The following KAT7 variants were observed in gnomAD, a reference collection of about 807,000 sequenced individuals.
KAT7 encodes histone acetyltransferase KAT7.
Under a neutral mutation model 82.1 loss-of-function variants are expected in KAT7, and 10 were observed. That is an observed-to-expected ratio of 0.12 (90% CI 0.08 to 0.21). KAT7 has a LOEUF of 0.21. Ranked by LOEUF, KAT7 falls within the 10% of genes least tolerant of loss-of-function variation. The pLI is 1.00. For synonymous variants in KAT7, 250 were observed against 262.5 expected, an observed-to-expected ratio of 0.95 and a Z score of 0.46; for missense variants, 378 against 760.9, an observed-to-expected ratio of 0.50 and a Z score of 5.92.
intron 3 of KAT7, 104 bp from the exon 4 acceptor site, chr17:49,798,215 G>C: frequency 9.2e-7 from 1 of 1,081,212 alleles, no homozygotes; most frequent in Non-Finnish European, 1.3e-6. Context: ...AAAGTTACTG[G>C]TTAAATCATA....
intron 11 of KAT7, 98 bp from the exon 12 acceptor site, chr17:49,823,104 G>C: frequency 1.4e-6 from 1 of 720,908 alleles, no homozygotes; most frequent in Non-Finnish European, 2.5e-6. Flanking sequence ...TGGTTAGCCA[G>C]ATGTTTTGCA....
chr17:49,789,081 T>C (rs920665527), intron 1 of KAT7: 14 of 401,254 alleles, frequency 3.5e-5, no homozygotes, highest in African/African-American at 2.9e-4. Context: ...GAGGCGTTCT[T>C]ATTAATTGGT....
intron 7 of KAT7, among the ~76,000 whole-genome samples, chr17:49,814,476 TC>T (rs1175554129): frequency 6.6e-6 from 1 of 152,192 alleles, no homozygotes; most frequent in Non-Finnish European, 1.5e-5. Context: ...ATTGTGACGT[TC>T]CTTTGATCTT....
intron 2 of KAT7, chr17:49,795,532 A>G (rs745925610): frequency 3.7e-5 from 9 of 242,488 alleles, no homozygotes; most frequent in Non-Finnish European, 7.1e-5. Flanking sequence ...CGATGGGAAA[A>G]AGAAGGTCAG....
intron 2 of KAT7, chr17:49,795,682 C>T (rs1484630444): frequency 8.5e-6 from 2 of 236,344 alleles, no homozygotes; most frequent in Admixed American, 8.2e-5. Flanking sequence ...GTAAAGGGCA[C>T]AAATTTCCTG....
rs2074405104 is a variant in KAT7 at position 49,829,503 on chromosome 17, C to CA, written c.*2002dup. ...ATTCCTTCTCATCTCCAAGCTCATT[C>CA]ACCAGTATTGAGCAGTGTCACCTCT... On this transcript the variant is annotated 3_prime_UTR_variant, in exon 15 of 15. Coordinates refer to ENST00000259021, the MANE Select transcript of KAT7 (RefSeq NM_007067.5). 1.3e-5 allele frequency: 2 copies of CA among 152,320 alleles called. No homozygotes were observed. The highest frequency in any genetic ancestry group is 4.1e-4 in the South Asian group (2 of 4,824). 9.4% of individuals were successfully genotyped at this position (152,320 alleles called of 1,614,324 possible). A position where few individuals can be genotyped will look rare whatever the true frequency, so the allele number is the denominator to read the frequency against.
At chr17:49,822,893 C>G (rs186967993) in intron 11 of KAT7, among the ~76,000 whole-genome samples, 1 of 152,108 alleles carries the variant, frequency 6.6e-6, no homozygotes, top group African/African-American at 2.4e-5. Context: ...TCAAAAATTG[C>G]GTTTAAAGTG....
rs201875571 is a variant in KAT7, at chr17:49,795,388, CTT to C, written c.164-1359_164-1358del. On this transcript the variant is annotated intron_variant, in intron 2 of 14. Coordinates refer to ENST00000259021, the MANE Select transcript of KAT7 (RefSeq NM_007067.5). ...GCAGTTCCTGACGGAGCTGACCAGA[CTT>C]TTCCAGAAGTGCTGGACATCGGGCA... is the stretch of plus-strand genomic sequence containing the variant. 6.0e-3 allele frequency: 1,427 copies of C among 237,514 alleles called. 8 individuals are homozygous for C. Among genetic ancestry groups the C allele is most frequent in the Non-Finnish European group, 7.3e-3 (820 of 112,982 alleles). The allele number at this position is 237,514 out of a possible 1,614,324, so 14.7% of individuals were successfully genotyped here. A position where few individuals can be genotyped will look rare whatever the true frequency, so the allele number is the denominator to read the frequency against.
Position 49,796,843 on chromosome 17 carries a change from C to T in KAT7, c.257C>T (p.Pro86Leu). ...ACCCGTAGTCAGCAGCAGCCTACCC[C>T]AGTGACACCGAAAAAATACCCTCTT... ...RVTRSQQQPTPVTPKKYPLRQ... is the reference protein window; with the variant it reads ...RVTRSQQQPTLVTPKKYPLRQ... The change falls in exon 3 of 15, where the codon CCA (proline) becomes CTA (leucine). Residue 86 changes from proline (P) to leucine (L), a missense_variant. Coordinates refer to ENST00000259021, the MANE Select transcript of KAT7 (RefSeq NM_007067.5). 1 of 1,614,094 alleles carries T rather than the reference C, an allele frequency of 6.2e-7. No homozygotes were observed.
At position 49,830,174 on chromosome 17, in the gene KAT7, G is replaced by A. The variant is rs1478211019; in HGVS notation, c.*2672G>A. 2 of 131,946 alleles carry A rather than the reference G, an allele frequency of 1.5e-5. No individual in the cohort carries two copies. Among genetic ancestry groups the A allele is most frequent in the South Asian group, 2.4e-4 (1 of 4,188 alleles). 8.2% of individuals were successfully genotyped at this position (131,946 alleles called of 1,614,324 possible). A position where few individuals can be genotyped will look rare whatever the true frequency, so the allele number is the denominator to read the frequency against. On this transcript the variant is annotated 3_prime_UTR_variant, in exon 15 of 15. Transcript: ENST00000259021. Reference sequence around the variant, plus strand: ...ATTACAGGCGTGAGCCACTGCACCCGACCTATTTTTTTTTTTTTTTTTTTT... The same window carrying A: ...ATTACAGGCGTGAGCCACTGCACCCAACCTATTTTTTTTTTTTTTTTTTTT...
intron 11 of KAT7, 72 bp downstream of exon 11, chr17:49,821,862 A>C: frequency 7.2e-7 from 1 of 1,383,282 alleles, no homozygotes; most frequent in South Asian, 1.2e-5. Flanking sequence ...TGGGGGCTCA[A>C]ATCACTGACA....
In KAT7 at chr17:49,832,579, A is replaced by G. The variant is rs565812551; in HGVS notation, c.*5077A>G. ...GAGTTAAGAAACCCTGGTTTGAGAAAAAGCCCCAGTGAGACAGCAGGAATC... is the reference window on the plus strand; with the variant it reads ...GAGTTAAGAAACCCTGGTTTGAGAAGAAGCCCCAGTGAGACAGCAGGAATC... On this transcript the variant is annotated 3_prime_UTR_variant, in exon 15 of 15. Transcript: ENST00000259021. The G allele has an allele frequency of 2.6e-5, 4 of 152,304 alleles. No homozygotes were observed. In the East Asian group the frequency reaches 5.8e-4, roughly 22 times the overall value. The allele number at this position is 152,304 out of a possible 1,614,324, so 9.4% of individuals were successfully genotyped here.
At chr17:49,803,336 G>C (rs368014871) in intron 4 of KAT7, among the ~76,000 whole-genome samples, 70 of 148,878 alleles carry the variant, frequency 4.7e-4, no homozygotes, top group African/African-American at 1.7e-3. Flanking sequence ...GACCTCAGGT[G>C]ATCTACCTGC....
At chr17:49,823,055 G>C (rs2074325683) in intron 11 of KAT7, 147 bp from the exon 12 acceptor site, 1 of 601,638 alleles carries the variant, frequency 1.7e-6, no homozygotes, top group Non-Finnish European at 3.0e-6. Flanking sequence ...AAAGGGTGTG[G>C]TTATAACAGC....
At chr17:49,805,102 T>C (rs1033007667) in intron 4 of KAT7, among the ~76,000 whole-genome samples, 5 of 152,222 alleles carry the variant, frequency 3.3e-5, no homozygotes, top group Admixed American at 2.0e-4. Context: ...CATTTTGAGA[T>C]TTGAGAAGTC....
intron 2 of KAT7, 72 bp from the exon 3 acceptor site, chr17:49,796,678 A>G: frequency 1.6e-6 from 2 of 1,239,100 alleles, no homozygotes; most frequent in Non-Finnish European, 2.2e-6. Flanking sequence ...CGATATTCTG[A>G]TAAATTATAT....
At chr17:49,813,233 T>C (rs2074192161) in intron 7 of KAT7, among the ~76,000 whole-genome samples, 1 of 152,098 alleles carries the variant, frequency 6.6e-6, no homozygotes, top group African/African-American at 2.4e-5. Context: ...TGTCCCTCTG[T>C]ACCCAGTGGT....
intron 9 of KAT7, among the ~76,000 whole-genome samples, chr17:49,820,267 C>T (rs1470932591): frequency 6.6e-6 from 1 of 151,540 alleles, no homozygotes; most frequent in Non-Finnish European, 1.5e-5. Context: ...TTTTTTTATA[C>T]GTCTATACTT....
chr17:49,803,365 T>A (rs1044666231), intron 4 of KAT7, among the ~76,000 whole-genome samples: 1 of 151,978 alleles, frequency 6.6e-6, no homozygotes, highest in Non-Finnish European at 1.5e-5. Context: ...CCCAAAGTGC[T>A]AGGATTACAG....
Sources: allele counts gnomAD v4.1 joint callset (sites outside exome capture counted in the v4.1 genomes callset), GRCh38; gene constraint gnomAD v4.1.1; transcripts MANE v1.5; gene names NCBI Gene and HGNC (gene_info 2026-07-23, HGNC 2026-07-21).